GLUD1: variants seen among roughly 807,000 people sequenced by gnomAD.
The protein encoded by GLUD1 is glutamate dehydrogenase 1, mitochondrial.
Under a neutral mutation model 56.0 loss-of-function variants are expected in GLUD1, and 22 were observed. That is an observed-to-expected ratio of 0.39 (90% confidence interval 0.28 to 0.56). The LOEUF (loss-of-function observed/expected upper bound fraction) is 0.56. Ranked by LOEUF, GLUD1 falls within the 20% of genes least tolerant of loss-of-function variation. The pLI, the probability that GLUD1 is intolerant of heterozygous loss-of-function variation, is 0.58. For missense variants in GLUD1, 451 were observed against 732.0 expected (o/e 0.62, Z 4.43); for synonymous variants, 223 against 269.9 (o/e 0.83, Z 1.70).
At chr10:87,053,492 T>C (rs1845692284) in intron 11 of GLUD1, 88 bp from the exon 12 acceptor site, 1 of 852,082 alleles carries the variant, frequency 1.2e-6, no homozygotes, top group Non-Finnish European at 2.0e-6. Flanking sequence ...CTCAAGTCAA[T>C]ATACAACCAG....
chr10:87,076,106 A>C, intron 2 of GLUD1, 83 bp from the exon 3 acceptor site: 1 of 925,912 alleles, frequency 1.1e-6, no homozygotes, highest in Non-Finnish European at 1.8e-6. Flanking sequence ...ATATTAGAGA[A>C]ACGTGATGCT....
chr10:87,060,875 A>G (rs539344391), intron 7 of GLUD1, 40 bp downstream of exon 7: 1 of 1,613,846 alleles, frequency 6.2e-7, no homozygotes, highest in East Asian at 2.2e-5. Flanking sequence ...AGTTTTAAAT[A>G]TTTATATTTA....
Position 87,062,571 on chromosome 10 carries a change from T to C in GLUD1, c.921+85A>G. On this transcript the variant is annotated intron_variant, in intron 6 of 12. Coordinates refer to ENST00000277865, the MANE Select transcript of GLUD1 (RefSeq NM_005271.5). ...TTTAAGAGATTTGAGATAACTTAATTTTAAAATTACAATTCTAAAAACATT... is the reference window on the plus strand; with the variant it reads ...TTTAAGAGATTTGAGATAACTTAATCTTAAAATTACAATTCTAAAAACATT... 5 of 1,048,110 alleles carry C rather than the reference T, an allele frequency of 4.8e-6. No homozygotes were observed. The South Asian group carries it at 5.7e-5, about 12-fold the overall frequency. The allele number at this position is 1,048,110 out of a possible 1,614,324, so 64.9% of individuals were successfully genotyped here.
intron 1 of GLUD1, among the ~76,000 whole-genome samples, chr10:87,078,101 C>T (rs1350356286): frequency 6.6e-6 from 1 of 152,042 alleles, no homozygotes; most frequent in Non-Finnish European, 1.5e-5. Context: ...TACACATGAC[C>T]ATAAAGAGCA....
chr10:87,076,464 G>GA (rs1846397656), intron 2 of GLUD1, 112 bp downstream of exon 2: 12 of 766,192 alleles, frequency 1.6e-5, no homozygotes, highest in South Asian at 2.8e-5. Flanking sequence ...ATTACAACTT[G>GA]AAAAAAAATC....
At position 87,060,709 on chromosome 10, in the gene GLUD1, G is replaced by A. The variant is rs770902442; in HGVS notation, c.1176C>T (p.Asn392=). The A allele has an allele frequency of 1.2e-5, 20 of 1,613,948 alleles. No individual in the cohort carries two copies. The highest frequency in any genetic ancestry group is 5.3e-5 in the African/African-American group (4 of 74,868). The change falls in exon 8 of 13, where the codon AAC becomes AAT. Residue 392 remains asparagine, a synonymous_variant. Coordinates refer to ENST00000277865, the MANE Select transcript of GLUD1 (RefSeq NM_005271.5). ...AASEKQLTKS[N]APRVKAKIIA... is the part of the protein sequence containing the mutation. ...TCACCTTGGCTTTGACTCTGGGTGC[G>A]TTGGATTTGGTCAACTGCTTCTCAC...
chr10:87,075,574 G>A (rs992641755), intron 3 of GLUD1, among the ~76,000 whole-genome samples: 3 of 152,094 alleles, frequency 2.0e-5, no homozygotes, highest in Non-Finnish European at 4.4e-5. Context: ...GATAGTGGGG[G>A]ATACAGAGAA....
At chr10:87,060,264 G>A in intron 8 of GLUD1, 23 bp from the exon 9 acceptor site, 1 of 1,512,226 alleles carries the variant, frequency 6.6e-7, no homozygotes, top group Non-Finnish European at 9.2e-7. Context: ...CAGGAACATA[G>A]AGAAATGCGA....
rs1845914374 is a variant in GLUD1, at chr10:87,060,962, A to G, written c.1012T>C (p.Trp338Arg). The G allele has an allele frequency of 1.9e-6, 3 of 1,614,144 alleles. No homozygotes were observed. Among genetic ancestry groups the G allele is most frequent in the Non-Finnish European group, 2.5e-6 (3 of 1,179,972 alleles). ...IAVGESDGSI[W>R]NPDGIDPKEL... ...TTTGGGTCAATACCATCTGGATTCC[A>G]TATACTCCCATCAGACTCACCAACA... The change falls in exon 7 of 13, where the codon TGG (tryptophan) becomes CGG (arginine). Residue 338 changes from tryptophan (W) to arginine (R), a missense_variant. Physicochemically the swap from Trp to Arg is moderately radical, Grantham distance 101 (BLOSUM62 -3). This residue lies in a region of GLUD1 where 248 missense variants were observed against 460.0 expected (regional missense o/e 0.54). Transcript: ENST00000277865.
chr10:87,094,283 G>T lies in GLUD1; in HGVS notation c.445+42C>A. 1 of 1,560,544 alleles carries T rather than the reference G, an allele frequency of 6.4e-7. No individual in the cohort carries two copies. ...CAGGAGGCCGGAGGGGAGGGCCGCA[G>T]GGGAGGCAGGGAGGGCGGGACGGGG... On this transcript the variant is annotated intron_variant, in intron 1 of 12. Transcript: ENST00000277865. This position sits in a 1 kb window ranked among gnomAD's most constrained non-coding sequence, Gnocchi z 6.6.
At chr10:87,080,120 G>A (rs1222854140) in intron 1 of GLUD1, among the ~76,000 whole-genome samples, 1 of 151,802 alleles carries the variant, frequency 6.6e-6, no homozygotes, top group East Asian at 1.9e-4. Context: ...GTATTTTTTT[G>A]GTGGAGACGG....
intron 4 of GLUD1, among the ~76,000 whole-genome samples, chr10:87,072,848 G>C (rs1160488508): frequency 1.3e-5 from 2 of 152,176 alleles, no homozygotes; most frequent in Non-Finnish European, 2.9e-5. Context: ...GCTATTAACA[G>C]GCTGAAGATG....
chr10:87,091,077 A>G (rs1481592670), intron 1 of GLUD1, among the ~76,000 whole-genome samples: 1 of 152,174 alleles, frequency 6.6e-6, no homozygotes, highest in East Asian at 1.9e-4. Flanking sequence ...AATATAGGGT[A>G]CACTTTTTTG....
chr10:87,069,514 C>CAAAAAAAAAAAAAAAAAAAAAAA (rs374019349), intron 4 of GLUD1, among the ~76,000 whole-genome samples: 3 of 62,620 alleles, frequency 4.8e-5, no homozygotes, highest in Non-Finnish European at 6.6e-5. Context: ...GACTCTGTTT[C>CAAAAAAAAAAAAAAAAAAAAAAA]AAAAAAAAAA....
intron 1 of GLUD1, among the ~76,000 whole-genome samples, chr10:87,082,199 G>A (rs1200947120): frequency 2.0e-5 from 3 of 152,116 alleles, no homozygotes; most frequent in African/African-American, 4.8e-5. Context: ...CATTCAAATG[G>A]CAAGCCTAAT....
intron 8 of GLUD1, chr10:87,060,450 T>C (rs915301106): frequency 3.0e-6 from 2 of 661,714 alleles, no homozygotes; most frequent in Non-Finnish European, 5.2e-6. Context: ...TTTGCTTGTT[T>C]TTTTTTTTTA....
intron 11 of GLUD1, among the ~76,000 whole-genome samples, chr10:87,055,611 T>A (rs566411971): frequency 2.0e-5 from 3 of 152,072 alleles, no homozygotes; most frequent in East Asian, 3.9e-4. Flanking sequence ...AGAACTGCAG[T>A]GACACTTAAG....
intron 11 of GLUD1, among the ~76,000 whole-genome samples, chr10:87,055,340 T>C (rs1192405708): frequency 6.6e-6 from 1 of 151,700 alleles, no homozygotes; most frequent in Non-Finnish European, 1.5e-5. Flanking sequence ...TGAGGGACAG[T>C]GGAAACATGG....
intron 12 of GLUD1, among the ~76,000 whole-genome samples, chr10:87,052,787 T>A (rs1326943350): frequency 6.6e-6 from 1 of 151,850 alleles, no homozygotes; most frequent in Non-Finnish European, 1.5e-5. Context: ...AAGGATGAAT[T>A]TATACCACAT....
Sources: gnomAD v4.1 joint callset for allele counts (sites outside exome capture counted in the v4.1 genomes callset) on GRCh38, gnomAD v4.1.1 for gene constraint, gnomAD v4.1.1 regional missense constraint, Gnocchi (gnomAD v3.1) non-coding constraint, MANE v1.5 for transcripts, NCBI Gene and HGNC (gene_info 2026-07-23, HGNC 2026-07-21) for gene names.